Variants in HECW1 observed in about 807,000 individuals in gnomAD.
The protein encoded by HECW1 is E3 ubiquitin-protein ligase HECW1.
In HECW1, 61 loss-of-function variants were observed where a neutral mutation model predicts 182.3. The ratio of observed to expected loss-of-function variants is 0.33; its 90% CI spans 0.27 to 0.41. The LOEUF is 0.41. HECW1 is among the 10% of genes least tolerant of loss of function. The probability of loss-of-function intolerance (pLI) is 1.00; values close to 1 mark genes in which losing one functional copy is unlikely to be tolerated. For synonymous variants in HECW1, 859 were observed against 832.6 expected, an observed-to-expected ratio of 1.03 and a Z score of -0.55; for missense variants, 1,739 against 2,108.9, an observed-to-expected ratio of 0.82 and a Z score of 3.44.
At chr7:43,426,962 A>G (rs2076382553) in intron 8 of HECW1, among the ~76,000 whole-genome samples, 3 of 152,022 alleles carry the variant, frequency 2.0e-5, no homozygotes, top group Non-Finnish European at 1.5e-5. Context: ...TAGTTTTTTT[A>G]TATCTCTACT....
chr7:43,424,333 G>A (rs1031539557), intron 8 of HECW1, among the ~76,000 whole-genome samples: 5 of 152,126 alleles, frequency 3.3e-5, no homozygotes, highest in South Asian at 2.1e-4. Context: ...AAAAAAATAC[G>A]AACAGGCCAG....
At chr7:43,473,384 C>T (rs1400800042) in intron 16 of HECW1, among the ~76,000 whole-genome samples, 1 of 152,152 alleles carries the variant, frequency 6.6e-6, no homozygotes, top group Non-Finnish European at 1.5e-5. Context: ...CACCAAAAGC[C>T]ATTCTCCAGA....
intron 13 of HECW1, among the ~76,000 whole-genome samples, chr7:43,458,337 G>T (rs1434968475): frequency 6.6e-6 from 1 of 152,208 alleles, no homozygotes; most frequent in South Asian, 2.1e-4. Flanking sequence ...GCAGAAGGAA[G>T]CACCTTGACC....
At chr7:43,424,213 A>C (rs1330291678) in intron 8 of HECW1, among the ~76,000 whole-genome samples, 1 of 152,182 alleles carries the variant, frequency 6.6e-6, no homozygotes, top group African/African-American at 2.4e-5. Flanking sequence ...TTGCTGGAAG[A>C]AAATTACTAT....
At chr7:43,182,821 AT>A (rs1792999047) in intron 2 of HECW1, among the ~76,000 whole-genome samples, 1 of 152,144 alleles carries the variant, frequency 6.6e-6, no homozygotes, top group Non-Finnish European at 1.5e-5. Flanking sequence ...AACATGGGAT[AT>A]CTTTCCATGT....
At chr7:43,238,578 C>A (rs538305315) in intron 2 of HECW1, among the ~76,000 whole-genome samples, 1 of 152,066 alleles carries the variant, frequency 6.6e-6, no homozygotes, top group Non-Finnish European at 1.5e-5. Flanking sequence ...AGTTAGGGAA[C>A]GTGGAAGTTT....
intron 7 of HECW1, among the ~76,000 whole-genome samples, chr7:43,403,814 G>A (rs2075510225): frequency 6.6e-6 from 1 of 151,746 alleles, no homozygotes; most frequent in Non-Finnish European, 1.5e-5. Context: ...GTGGGGAGGG[G>A]GTACTTAACT....
chr7:43,474,257 A>G (rs373803383), intron 16 of HECW1, among the ~76,000 whole-genome samples: 215 of 152,126 alleles, frequency 1.4e-3, no homozygotes, highest in East Asian at 5.0e-3. Flanking sequence ...AGACCACCCT[A>G]GCTAACATGG....
intron 24 of HECW1, among the ~76,000 whole-genome samples, chr7:43,519,266 A>C (rs1244069056): frequency 2.0e-5 from 3 of 149,766 alleles, no homozygotes; most frequent in Non-Finnish European, 4.4e-5. Context: ...TTTTTTTTTT[A>C]GACAGAGTCT....
chr7:43,388,299 A>G (rs191724208), intron 6 of HECW1, among the ~76,000 whole-genome samples: 92 of 152,358 alleles, frequency 6.0e-4, no homozygotes, highest in Middle Eastern at 3.4e-3. Context: ...TATGCAATAC[A>G]ATAATGGCCA....
intron 10 of HECW1, among the ~76,000 whole-genome samples, chr7:43,443,283 C>T (rs1289140785): frequency 6.6e-6 from 1 of 152,178 alleles, no homozygotes; most frequent in Non-Finnish European, 1.5e-5. Flanking sequence ...GCTGTTAAGT[C>T]TAATGAAGCT....
At chr7:43,439,529 G>A (rs974082637) in intron 9 of HECW1, 1 of 152,672 alleles carries the variant, frequency 6.5e-6, no homozygotes, top group African/African-American at 2.4e-5. Flanking sequence ...GCCAGGGGGT[G>A]GGCTGGAGAA....
chr7:43,164,451 G>A (rs1245696861), intron 2 of HECW1, among the ~76,000 whole-genome samples: 1 of 152,218 alleles, frequency 6.6e-6, no homozygotes, highest in Non-Finnish European at 1.5e-5. Flanking sequence ...AAATCAAGAA[G>A]GCACCAGGGT....
intron 2 of HECW1, among the ~76,000 whole-genome samples, chr7:43,227,037 T>A: frequency 6.6e-6 from 1 of 152,236 alleles, no homozygotes; most frequent in East Asian, 1.9e-4. Flanking sequence ...AAGAATATAT[T>A]CATCTAGACA....
At chr7:43,533,868 T>G (rs542138296) in intron 24 of HECW1, among the ~76,000 whole-genome samples, 11 of 152,274 alleles carry the variant, frequency 7.2e-5, no homozygotes, top group South Asian at 4.1e-4. Context: ...GTATTTTTCA[T>G]GCTGAGCTGT....
chr7:43,393,571 T>C (rs1208965971), intron 6 of HECW1, among the ~76,000 whole-genome samples: 2 of 152,216 alleles, frequency 1.3e-5, no homozygotes, highest in African/African-American at 4.8e-5. Flanking sequence ...TTGTAAATGA[T>C]GTTAGTGAAA....
Position 43,251,969 on chromosome 7 carries a change from A to G in HECW1, c.27+8037A>G, listed in dbSNP as rs149802672. On this transcript the variant is annotated intron_variant, in intron 3 of 29. Coordinates refer to ENST00000395891, the MANE Select transcript of HECW1 (RefSeq NM_015052.5). ...CCAGTGCTCTGGGGGGGTACATTCCACGGGGTCCTTGGCTTGACTTGTAAG... is the reference window on the plus strand; with the variant it reads ...CCAGTGCTCTGGGGGGGTACATTCCGCGGGGTCCTTGGCTTGACTTGTAAG... Among the ~76,000 whole-genome samples the G allele has an allele frequency of 2.8e-3, 423 of 152,292 alleles. 7 individuals carry two copies. In the South Asian group the frequency reaches 0.036, roughly 13 times the overall value.
chr7:43,364,473 AAGTCTCC>A (rs1356471367), intron 6 of HECW1, among the ~76,000 whole-genome samples: 1 of 152,238 alleles, frequency 6.6e-6, no homozygotes, highest in Non-Finnish European at 1.5e-5. Context: ...ATACTATATA[AAGTCTCC>A]AGTACTGGAG....
intron 12 of HECW1, 127 bp downstream of exon 12, chr7:43,451,056 AAT>A: frequency 1.5e-6 from 1 of 657,202 alleles, no homozygotes; most frequent in Non-Finnish European, 2.7e-6. Context: ...AACAAAGACC[AAT>A]ATGACACCTG....
Sources: gnomAD v4.1 joint callset for allele counts (sites outside exome capture counted in the v4.1 genomes callset) on GRCh38, gnomAD v4.1.1 for gene constraint, MANE v1.5 for transcripts, NCBI Gene and HGNC (gene_info 2026-07-23, HGNC 2026-07-21) for gene names.